TTLL11: variants seen among roughly 807,000 people sequenced by gnomAD.
The protein encoded by TTLL11 is tubulin tyrosine ligase like 11, also known as tubulin polyglutamylase TTLL11.
TTLL11 carries 42 observed loss-of-function variants against 51.7 expected under a neutral mutation model. The observed-to-expected ratio is 0.81, with a 90% CI of 0.64 to 1.05. TTLL11 has a LOEUF of 1.05. Among genes scored for constraint, TTLL11 ranks in the 50% least tolerant of loss-of-function variants. TTLL11 has a pLI of 0.00. For synonymous variants in TTLL11, 381 were observed against 383.5 expected (o/e 0.99, Z 0.08); for missense variants, 799 against 940.4 (o/e 0.85, Z 1.97).
intron 6 of TTLL11, among the ~76,000 whole-genome samples, chr9:121,929,619 T>C (rs946335998): frequency 1.3e-5 from 2 of 152,210 alleles, no homozygotes; most frequent in Non-Finnish European, 2.9e-5. Context: ...CATTTGTTCC[T>C]TATAGTTTTT....
rs543408199 is a variant in TTLL11, at chr9:122,026,758, T to C, written c.693+4965A>G. ...AGTGGAGAAATCTAGCAGACACTACTTTAACTAAGTGATCAAAGTTAACAT... is the reference window on the plus strand; with the variant it reads ...AGTGGAGAAATCTAGCAGACACTACCTTAACTAAGTGATCAAAGTTAACAT... On this transcript the variant is annotated intron_variant, in intron 3 of 8. Coordinates refer to ENST00000321582, the MANE Select transcript of TTLL11 (RefSeq NM_001139442.2). Among the ~76,000 whole-genome samples, 30 of 152,256 alleles carry C rather than the reference T, an allele frequency of 2.0e-4. No homozygotes were observed. In the South Asian group the frequency reaches 5.8e-3, roughly 29 times the overall value.
chr9:121,842,585 T>C (rs1376092916), intron 8 of TTLL11, among the ~76,000 whole-genome samples: 2 of 152,224 alleles, frequency 1.3e-5, no homozygotes, highest in African/African-American at 2.4e-5. Context: ...TTGAACACTA[T>C]GATTCCATGT....
intron 6 of TTLL11, among the ~76,000 whole-genome samples, chr9:121,939,117 G>A (rs550842776): frequency 1.1e-4 from 17 of 152,190 alleles, no homozygotes; most frequent in Non-Finnish European, 2.2e-4. Context: ...TAGCAGGGAT[G>A]AAGAACAACT....
intron 1 of TTLL11, among the ~76,000 whole-genome samples, chr9:122,077,612 T>C (rs761867099): frequency 2.0e-4 from 30 of 152,054 alleles, no homozygotes; most frequent in Admixed American, 3.3e-4. Context: ...ATCAGGGCTA[T>C]AAAATTTATA....
intron 6 of TTLL11, among the ~76,000 whole-genome samples, chr9:121,888,767 T>C (rs1299172805): frequency 2.0e-5 from 3 of 152,256 alleles, no homozygotes; most frequent in African/African-American, 7.2e-5. Context: ...TGTGAATTTT[T>C]CCTTGCATAA....
rs1227724432 is a variant in TTLL11, at chr9:121,971,319, C to T, written c.1481+2690G>A. Among the ~76,000 whole-genome samples, 7 of 83,756 alleles carry T rather than the reference C, an allele frequency of 8.4e-5. 1 individual carries two copies. The highest frequency in any genetic ancestry group is 3.1e-4 in the African/African-American group (7 of 22,256). 54.9% of individuals were successfully genotyped at this position (83,756 alleles called of 152,430 possible). A position where few individuals can be genotyped will look rare whatever the true frequency, so the allele number is the denominator to read the frequency against. On this transcript the variant is annotated intron_variant, in intron 6 of 8. Transcript: ENST00000321582. ...GCCGCCCCGTCCAGGAGATGAGGGGCGCCTCTGCCCGGCCGCCCCTACTGG... is the reference window on the plus strand; with the variant it reads ...GCCGCCCCGTCCAGGAGATGAGGGGTGCCTCTGCCCGGCCGCCCCTACTGG...
chr9:121,932,059 G>A (rs539774389), intron 6 of TTLL11, among the ~76,000 whole-genome samples: 1 of 152,096 alleles, frequency 6.6e-6, no homozygotes, highest in Non-Finnish European at 1.5e-5. Context: ...TAGCCTCAGC[G>A]CACCTTGTTC....
At chr9:121,982,131 C>T (rs1365917888) in intron 4 of TTLL11, among the ~76,000 whole-genome samples, 1 of 152,222 alleles carries the variant, frequency 6.6e-6, no homozygotes, top group Non-Finnish European at 1.5e-5. Context: ...AATGAGGTCA[C>T]TGGATGCTGT....
chr9:122,003,726 C>A (rs1050275503), intron 3 of TTLL11, among the ~76,000 whole-genome samples: 2 of 150,734 alleles, frequency 1.3e-5, no homozygotes, highest in African/African-American at 2.4e-5. Flanking sequence ...ACCTCGTGAT[C>A]CACCCGCCTC....
At chr9:121,990,301 T>C (rs1025485187) in intron 3 of TTLL11, among the ~76,000 whole-genome samples, 1 of 152,208 alleles carries the variant, frequency 6.6e-6, no homozygotes, top group Admixed American at 6.5e-5. Flanking sequence ...CTCCTTACCC[T>C]GCAGCCTTGG....
Position 121,821,119 on chromosome 9 carries a change from T to C in TTLL11, c.*1468A>G, listed in dbSNP as rs190491250. ...ACAATCTTGCCTTTGGGTTTAAAAA[T>C]ATCTGGGGAGGGCGGATTCAAGTAA... On this transcript the variant is annotated 3_prime_UTR_variant, in exon 9 of 9. Coordinates refer to ENST00000321582, the MANE Select transcript of TTLL11 (RefSeq NM_001139442.2). This position sits in a 1 kb window ranked among gnomAD's most constrained non-coding sequence, Gnocchi z 5.0. Among the ~76,000 whole-genome samples, 5 of 152,172 alleles carry C rather than the reference T, an allele frequency of 3.3e-5. No homozygotes were observed. The highest frequency in any genetic ancestry group is 6.5e-5 in the Admixed American group (1 of 15,294).
At position 122,092,609 on chromosome 9, in the gene TTLL11, C is replaced by A. The variant is rs1004998336; in HGVS notation, c.462+78G>T. On this transcript the variant is annotated intron_variant, in intron 1 of 8. Transcript: ENST00000321582. ...GCTCAGCCCTCGCCCGCCGACCTGA[C>A]CTGGGCCGTGCCGAGACCTCTGAGG... is the stretch of plus-strand genomic sequence containing the variant. 26 of 1,524,328 alleles carry A rather than the reference C, an allele frequency of 1.7e-5. No homozygotes were observed. The African/African-American group carries it at 3.4e-4, about 20-fold the overall frequency. 94.4% of individuals were successfully genotyped at this position (1,524,328 alleles called of 1,614,324 possible).
chr9:122,051,644 G>T (rs1448591086), intron 1 of TTLL11, among the ~76,000 whole-genome samples: 1 of 151,990 alleles, frequency 6.6e-6, no homozygotes, highest in Non-Finnish European at 1.5e-5. Flanking sequence ...CTCTCTCTGT[G>T]TCTCTCTCTT....
At chr9:122,045,880 C>T (rs1041950735) in intron 1 of TTLL11, among the ~76,000 whole-genome samples, 1 of 152,016 alleles carries the variant, frequency 6.6e-6, no homozygotes, top group Admixed American at 6.6e-5. Context: ...ATGGTGGTTG[C>T]CAGAGGCTGA....
chr9:121,834,005 T>G (rs1488463098), intron 8 of TTLL11, among the ~76,000 whole-genome samples: 2 of 152,166 alleles, frequency 1.3e-5, no homozygotes, highest in Admixed American at 1.3e-4. Context: ...ATCGTACAAT[T>G]CTAAATGTAT....
At chr9:121,842,257 T>TTA (rs1404462615) in intron 8 of TTLL11, among the ~76,000 whole-genome samples, 5 of 150,114 alleles carry the variant, frequency 3.3e-5, no homozygotes, top group African/African-American at 7.4e-5. Context: ...TCCTTTTTTT[T>TTA]AAAAAAAAAA....
intron 7 of TTLL11, among the ~76,000 whole-genome samples, chr9:121,862,034 G>T (rs980613498): frequency 1.3e-5 from 2 of 152,172 alleles, no homozygotes; most frequent in African/African-American, 4.8e-5. Flanking sequence ...GATTGTGGGG[G>T]ACGGGCCTCT....
chr9:121,933,257 A>G (rs1163360053), intron 6 of TTLL11, among the ~76,000 whole-genome samples: 1 of 152,198 alleles, frequency 6.6e-6, no homozygotes, highest in Non-Finnish European at 1.5e-5. Context: ...GGTACCATAG[A>G]TGCCGGGAAA....
intron 8 of TTLL11, among the ~76,000 whole-genome samples, chr9:121,847,249 A>C (rs1002513333): frequency 6.6e-6 from 1 of 152,008 alleles, no homozygotes; most frequent in Non-Finnish European, 1.5e-5. Flanking sequence ...AAATTAATGA[A>C]TTAAAAATAG....
Sources: allele counts gnomAD v4.1 joint callset (sites outside exome capture counted in the v4.1 genomes callset), GRCh38; gene constraint gnomAD v4.1.1; non-coding constraint Gnocchi (gnomAD v3.1); transcripts MANE v1.5; gene names NCBI Gene and HGNC (gene_info 2026-07-23, HGNC 2026-07-21).